Variants in RASGEF1A observed in about 807,000 individuals in gnomAD.
RASGEF1A encodes the protein ras-GEF domain-containing family member 1A.
A neutral mutation model predicts 56.4 loss-of-function variants in RASGEF1A; 18 were observed. The ratio of observed to expected loss-of-function variants is 0.32; its 90% CI spans 0.22 to 0.47. The LOEUF (loss-of-function observed/expected upper bound fraction) is 0.47. Among genes scored for constraint, RASGEF1A ranks in the 20% least tolerant of loss-of-function variants. The pLI, the probability that RASGEF1A is intolerant of heterozygous loss-of-function variation, is 1.00. For synonymous variants in RASGEF1A, 245 were observed against 242.6 expected, an observed-to-expected ratio of 1.01 and a Z score of -0.09; for missense variants, 422 against 627.1, an observed-to-expected ratio of 0.67 and a Z score of 3.49.
chr10:43,200,788 CG>C lies in RASGEF1A; in HGVS notation c.559del (p.Arg187GlyfsTer5). ...SQLQELREKL[R>X]PPAVDKGPIL... is the part of the protein sequence containing the mutation. ...GGGCCCCTTGTCTACAGCCGGTGGC[CG>C]GAGCTTCTCTCGCAGTTCCTGGAGC... On this transcript the variant is annotated frameshift_variant, in exon 5 of 13. Transcript: ENST00000395810. LOFTEE classifies it high-confidence loss of function. 1 of 1,613,914 alleles carries C rather than the reference CG, an allele frequency of 6.2e-7. No individual in the cohort carries two copies. The highest frequency in any genetic ancestry group is 8.5e-7 in the Non-Finnish European group (1 of 1,180,034).
chr10:43,196,885 G>A lies in RASGEF1A; in HGVS notation c.1348+91C>T, dbSNP rs535557004. On this transcript the variant is annotated intron_variant, in intron 11 of 12. Coordinates refer to ENST00000395810, the MANE Select transcript of RASGEF1A (RefSeq NM_145313.4). This position sits in a 1 kb window ranked among gnomAD's most constrained non-coding sequence, Gnocchi z 4.6. ...CTGTGTGGCATGGAGCAGCCAGCAG[G>A]CCATCTCCCAGGGCAACCCCAAAGA... 2.0e-6 allele frequency: 3 copies of A among 1,496,174 alleles called. No homozygotes were observed. In the East Asian group the frequency reaches 6.8e-5, roughly 34 times the overall value. 92.7% of individuals were successfully genotyped at this position (1,496,174 alleles called of 1,614,324 possible). A position where few individuals can be genotyped will look rare whatever the true frequency, so the allele number is the denominator to read the frequency against.
Position 43,232,830 on chromosome 10 carries a change from G to A in RASGEF1A, c.-6-26708C>T, listed in dbSNP as rs989452308. 1.3e-4 allele frequency among the ~76,000 whole-genome samples: 20 copies of A among 152,238 alleles called. No homozygotes were observed. The South Asian group carries it at 2.5e-3, about 19-fold the overall frequency. On this transcript the variant is annotated intron_variant, in intron 1 of 12. Transcript: ENST00000395810. Reference sequence around the variant, plus strand: ...AGTGTGAGAACAGACTACTACACTCGCAAAGGCTCCCTCTCAGAGTCCACC... The same window carrying A: ...AGTGTGAGAACAGACTACTACACTCACAAAGGCTCCCTCTCAGAGTCCACC...
intron 2 of RASGEF1A, among the ~76,000 whole-genome samples, chr10:43,205,182 A>T (rs1354454366): frequency 6.6e-6 from 1 of 151,982 alleles, no homozygotes; most frequent in East Asian, 1.9e-4. Flanking sequence ...CAGGGCAGGG[A>T]GGGAGAGGGG....
rs1372226769 is a variant in RASGEF1A at position 43,219,143 on chromosome 10, C to T, written c.-6-13021G>A. 2.6e-5 allele frequency among the ~76,000 whole-genome samples: 4 copies of T among 152,222 alleles called. No individual in the cohort carries two copies. The East Asian group carries it at 5.8e-4, about 22-fold the overall frequency. Reference sequence around the variant, plus strand: ...TCCCGGCAGGCGCTGGCAGCCTGGCCTCCCACTCCAGCCGCCTGGGGAGCC... The same window carrying T: ...TCCCGGCAGGCGCTGGCAGCCTGGCTTCCCACTCCAGCCGCCTGGGGAGCC... On this transcript the variant is annotated intron_variant, in intron 1 of 12. Transcript: ENST00000395810.
intron 1 of RASGEF1A, among the ~76,000 whole-genome samples, chr10:43,247,533 G>A (rs2133222351): frequency 6.6e-6 from 1 of 152,270 alleles, no homozygotes; most frequent in Non-Finnish European, 1.5e-5. Flanking sequence ...AATGAGTGTG[G>A]TTTATCCATA....
At chr10:43,212,850 C>T (rs1840087221) in intron 1 of RASGEF1A, among the ~76,000 whole-genome samples, 1 of 149,624 alleles carries the variant, frequency 6.7e-6, no homozygotes, top group African/African-American at 2.4e-5. Context: ...ATTCACAGCT[C>T]CCCCCACAAC....
chr10:43,205,075 G>A (rs988855836), intron 2 of RASGEF1A, among the ~76,000 whole-genome samples: 7 of 152,238 alleles, frequency 4.6e-5, no homozygotes, highest in African/African-American at 1.7e-4. Context: ...GGCAGGTGGT[G>A]AAGCCAGGCT....
At chr10:43,235,501 G>T (rs993371531) in intron 1 of RASGEF1A, among the ~76,000 whole-genome samples, 1 of 152,226 alleles carries the variant, frequency 6.6e-6, no homozygotes, top group Non-Finnish European at 1.5e-5. Context: ...GGGGAAGGCA[G>T]GAATGCCAGG....
intron 1 of RASGEF1A, among the ~76,000 whole-genome samples, chr10:43,252,615 T>G (rs1170245710): frequency 2.0e-5 from 3 of 152,154 alleles, no homozygotes; most frequent in African/African-American, 7.2e-5. Context: ...GGGACGTGAC[T>G]GTGAGGCAGA....
At chr10:43,233,055 C>A (rs998706498) in intron 1 of RASGEF1A, among the ~76,000 whole-genome samples, 3 of 152,150 alleles carry the variant, frequency 2.0e-5, no homozygotes, top group Non-Finnish European at 2.9e-5. Context: ...TGTGGCCCCC[C>A]ACCCCGACAG....
At chr10:43,208,239 G>A (rs1840022590) in intron 1 of RASGEF1A, 7 of 985,334 alleles carry the variant, frequency 7.1e-6, no homozygotes, top group Non-Finnish European at 7.2e-6. Context: ...GGTCATCAGA[G>A]AGGGCATTTG....
intron 1 of RASGEF1A, among the ~76,000 whole-genome samples, chr10:43,225,056 CTGTG>C (rs1840256395): frequency 6.6e-6 from 1 of 150,554 alleles, no homozygotes; most frequent in South Asian, 2.1e-4. Context: ...CTGCATATGT[CTGTG>C]TGTCTGTGTT....
intron 2 of RASGEF1A, 48 bp from the exon 3 acceptor site, chr10:43,203,468 C>T (rs1221566606): frequency 1.4e-6 from 2 of 1,473,548 alleles, no homozygotes; most frequent in South Asian, 2.7e-5. Flanking sequence ...GAGGCAGGCC[C>T]CCGGGGGCTC....
At chr10:43,221,352 C>T (rs76043319) in intron 1 of RASGEF1A, among the ~76,000 whole-genome samples, 7,135 of 152,312 alleles carry the variant, frequency 0.047, 190 homozygotes, top group South Asian at 0.088. Context: ...TCAGTTAGTG[C>T]CACCAGGCTG....
intron 1 of RASGEF1A, among the ~76,000 whole-genome samples, chr10:43,242,124 C>T (rs140404653): frequency 0.026 from 3,907 of 151,796 alleles, 153 homozygotes; most frequent in African/African-American, 0.088. Context: ...GACGACAGAA[C>T]GAGACTCCAT....
chr10:43,244,282 A>G (rs1182776664), intron 1 of RASGEF1A, among the ~76,000 whole-genome samples: 1 of 151,572 alleles, frequency 6.6e-6, no homozygotes, highest in Non-Finnish European at 1.5e-5. Flanking sequence ...TAGGAAAACC[A>G]GAGACCTTTG....
In RASGEF1A at chr10:43,200,183, C is replaced by A; in HGVS notation, c.755G>T (p.Arg252Met). The change falls in exon 6 of 13, where the codon AGG (arginine) becomes ATG (methionine). Residue 252 changes from arginine to methionine, a missense_variant and splice_region_variant. Around this residue, in one of 2 missense-constraint regions of RASGEF1A, gnomAD observed 273 missense variants for 339.9 expected, o/e 0.80. Coordinates refer to ENST00000395810, the MANE Select transcript of RASGEF1A (RefSeq NM_145313.4). Reference protein sequence around the residue: ...VSHMDSLDNHRCRGDLTKTYS... With the variant: ...VSHMDSLDNHMCRGDLTKTYS... ...TGCCACAGGCCTTGGCCCACTTACCCTGTGGTTGTCCAAGGAGTCCATGTG... is the reference window on the plus strand; with the variant it reads ...TGCCACAGGCCTTGGCCCACTTACCATGTGGTTGTCCAAGGAGTCCATGTG... 1 of 1,597,400 alleles carries A rather than the reference C, an allele frequency of 6.3e-7. No homozygotes were observed. The highest frequency in any genetic ancestry group is 2.3e-5 in the East Asian group (1 of 44,308).
At chr10:43,256,092 G>T (rs774701355) in intron 1 of RASGEF1A, among the ~76,000 whole-genome samples, 27 of 152,198 alleles carry the variant, frequency 1.8e-4, no homozygotes, top group Non-Finnish European at 3.7e-4. Flanking sequence ...CACTGTGCAG[G>T]AGGAGGCCCC....
chr10:43,244,502 C>G (rs573529191), intron 1 of RASGEF1A, among the ~76,000 whole-genome samples: 2 of 151,200 alleles, frequency 1.3e-5, no homozygotes, highest in Non-Finnish European at 3.0e-5. Flanking sequence ...AACACATACT[C>G]TTCTCAAGTG....
Sources: gnomAD v4.1 joint callset for allele counts (sites outside exome capture counted in the v4.1 genomes callset) on GRCh38, gnomAD v4.1.1 for gene constraint, gnomAD v4.1.1 regional missense constraint, Gnocchi (gnomAD v3.1) non-coding constraint, MANE v1.5 for transcripts, NCBI Gene and HGNC (gene_info 2026-07-23, HGNC 2026-07-21) for gene names.